KATNBL1: variants seen among roughly 807,000 people sequenced by gnomAD.
KATNBL1 encodes the protein KATNB1-like protein 1.
KATNBL1 carries 28 observed loss-of-function variants against 44.7 expected under a neutral mutation model. The observed-to-expected ratio is 0.63, with a 90% CI of 0.46 to 0.86. The LOEUF is 0.86. Ranked by LOEUF, KATNBL1 falls within the 40% of genes least tolerant of loss-of-function variation. The probability of loss-of-function intolerance (pLI) is 0.00; values close to 1 mark genes in which losing one functional copy is unlikely to be tolerated. For missense variants in KATNBL1, 272 were observed against 350.7 expected (o/e 0.78, Z 1.79); for synonymous variants, 78 against 114.9 (o/e 0.68, Z 2.06).
intron 1 of KATNBL1, among the ~76,000 whole-genome samples, chr15:34,167,505 C>A (rs574384712): frequency 5.9e-5 from 9 of 152,234 alleles, no homozygotes; most frequent in African/African-American, 2.2e-4. Flanking sequence ...AGAATGCAAC[C>A]AGTCAGAAAA....
At chr15:34,158,798 A>T (rs1405188634) in intron 2 of KATNBL1, among the ~76,000 whole-genome samples, 4 of 152,150 alleles carry the variant, frequency 2.6e-5, no homozygotes, top group African/African-American at 9.7e-5. Context: ...GGAGTTCCCC[A>T]TTGACTACTG....
intron 2 of KATNBL1, among the ~76,000 whole-genome samples, 171 bp downstream of exon 2, chr15:34,163,389 C>CTT (rs1034911870): frequency 6.6e-6 from 1 of 151,932 alleles, no homozygotes; most frequent in Non-Finnish European, 1.5e-5. Flanking sequence ...TGGTTAAGAC[C>CTT]TAACAAAGAA....
intron 1 of KATNBL1, among the ~76,000 whole-genome samples, chr15:34,164,127 C>A: frequency 6.6e-6 from 1 of 152,336 alleles, no homozygotes; most frequent in East Asian, 1.9e-4. Flanking sequence ...CTCCTGACCT[C>A]AGGTGATCCA....
intron 1 of KATNBL1, chr15:34,199,819 T>C (rs1411552976): frequency 6.6e-6 from 1 of 151,730 alleles, no homozygotes; most frequent in African/African-American, 2.4e-5. Context: ...CAGCAAGATT[T>C]ATTGTGAAGA....
intron 1 of KATNBL1, chr15:34,209,419 G>A (rs1890374223): frequency 6.6e-6 from 1 of 152,172 alleles, no homozygotes; most frequent in Non-Finnish European, 1.5e-5. Flanking sequence ...ATACTTTACA[G>A]AACAACTTTT....
At chr15:34,162,027 T>C (rs189212880) in intron 2 of KATNBL1, among the ~76,000 whole-genome samples, 28 of 152,370 alleles carry the variant, frequency 1.8e-4, no homozygotes, top group Non-Finnish European at 1.5e-5. Context: ...TTGTGATTGA[T>C]ATCAACAAAT....
rs1320900373 is a variant in KATNBL1 at position 34,154,726 on chromosome 15, T to C, written c.118-42A>G. On this transcript the variant is annotated intron_variant, in intron 2 of 9. Transcript: ENST00000256544. Reference sequence around the variant, plus strand: ...GATAGTTGATGTTAGAAACAAATGCTTGGTGCCGCAAAGAAGAATCAGCAC... The same window carrying C: ...GATAGTTGATGTTAGAAACAAATGCCTGGTGCCGCAAAGAAGAATCAGCAC... The C allele has an allele frequency of 3.8e-6, 5 of 1,315,992 alleles. No homozygotes were observed. In the African/African-American group the frequency reaches 4.4e-5, roughly 11 times the overall value. 81.5% of individuals were successfully genotyped at this position (1,315,992 alleles called of 1,614,324 possible). A position where few individuals can be genotyped will look rare whatever the true frequency, so the allele number is the denominator to read the frequency against.
At chr15:34,168,709 T>C (rs982431012) in intron 1 of KATNBL1, among the ~76,000 whole-genome samples, 1 of 152,092 alleles carries the variant, frequency 6.6e-6, no homozygotes, top group Non-Finnish European at 1.5e-5. Context: ...CCTCAGGAAA[T>C]GTAAAAGAAC....
At chr15:34,162,242 T>C (rs149515016) in intron 2 of KATNBL1, among the ~76,000 whole-genome samples, 217 of 152,290 alleles carry the variant, frequency 1.4e-3, no homozygotes, top group Middle Eastern at 3.4e-3. Context: ...CAGTGGGAGA[T>C]AATTGCATCA....
At chr15:34,156,383 T>A (rs1471092353) in intron 2 of KATNBL1, among the ~76,000 whole-genome samples, 1 of 152,206 alleles carries the variant, frequency 6.6e-6, no homozygotes, top group Non-Finnish European at 1.5e-5. Flanking sequence ...CCATGCCTGG[T>A]TGACTGGAGG....
intron 1 of KATNBL1, among the ~76,000 whole-genome samples, chr15:34,193,225 A>AC (rs1289277930): frequency 4.1e-4 from 55 of 135,788 alleles, no homozygotes; most frequent in African/African-American, 1.2e-3. Context: ...TCAAAAAAAA[A>AC]AAAAAAAAAA....
chr15:34,204,179 G>C (rs1205494773), intron 1 of KATNBL1, among the ~76,000 whole-genome samples: 1 of 152,104 alleles, frequency 6.6e-6, no homozygotes, highest in Non-Finnish European at 1.5e-5. Flanking sequence ...GACAGCTCAT[G>C]TGTAACATGA....
chr15:34,207,478 G>A (rs913637466), intron 1 of KATNBL1, among the ~76,000 whole-genome samples: 18 of 152,160 alleles, frequency 1.2e-4, no homozygotes, highest in African/African-American at 3.9e-4. Flanking sequence ...AAAGTGCTAG[G>A]ATTACAGGCA....
At position 34,167,472 on chromosome 15, in the gene KATNBL1, T is replaced by C. The variant is rs1021351484; in HGVS notation, c.-14-3782A>G. Reference sequence around the variant, plus strand: ...GTGAAAAGACCAAATCTATGTTTGATTGTGTACCTGAAAGTGACGGGGAGA... The same window carrying C: ...GTGAAAAGACCAAATCTATGTTTGACTGTGTACCTGAAAGTGACGGGGAGA... On this transcript the variant is annotated intron_variant, in intron 1 of 9. Coordinates refer to ENST00000256544, the MANE Select transcript of KATNBL1 (RefSeq NM_024713.3). Among the ~76,000 whole-genome samples the C allele has an allele frequency of 5.2e-5, 7 of 133,686 alleles. 1 individual carries two copies. The highest frequency in any genetic ancestry group is 4.8e-5 in the Non-Finnish European group (3 of 62,360). 87.7% of individuals were successfully genotyped at this position (133,686 alleles called of 152,430 possible).
intron 1 of KATNBL1, chr15:34,199,556 A>C (rs1037153963): frequency 1.3e-5 from 2 of 152,242 alleles, no homozygotes; most frequent in African/African-American, 4.8e-5. Flanking sequence ...GGCTCCTTCC[A>C]GTTAGTTCTT....
At position 34,188,136 on chromosome 15, in the gene KATNBL1, G is replaced by GCAAAAAAAAAAAAAAAAAA. The variant is rs1394136257; in HGVS notation, c.-15+21814_-15+21815insTTTTTTTTTTTTTTTTTTG. Among the ~76,000 whole-genome samples the GCAAAAAAAAAAAAAAAAAA allele has an allele frequency of 2.1e-3, 14 of 6,578 alleles. 1 individual carries two copies. Among genetic ancestry groups the GCAAAAAAAAAAAAAAAAAA allele is most frequent in the Non-Finnish European group, 4.9e-3 (11 of 2,266 alleles). The allele number at this position is 6,578 out of a possible 152,430, so 4.3% of individuals were successfully genotyped here. On this transcript the variant is annotated intron_variant, in intron 1 of 9. Transcript: ENST00000256544. Reference sequence around the variant, plus strand: ...CCTGGGTGACAGAGGAAGACGCCATGTAAAAAAAAAAAAAAAAAAAAAAAA... The same window carrying GCAAAAAAAAAAAAAAAAAA: ...CCTGGGTGACAGAGGAAGACGCCATGCAAAAAAAAAAAAAAAAAATAAAAAAAAAAAAAAAAAAAAAAAA...
In KATNBL1 at chr15:34,146,788, G is replaced by A. The variant is rs186125698; in HGVS notation, c.761C>T (p.Ser254Leu). 6.2e-7 allele frequency: 1 copy of A among 1,604,204 alleles called. No homozygotes were observed. Among genetic ancestry groups the A allele is most frequent in the Admixed American group, 1.7e-5 (1 of 60,000 alleles). The change falls in exon 8 of 10, where the codon TCA (serine) becomes TTA (leucine). Residue 254 changes from serine to leucine, a missense_variant. Physicochemically the swap from Ser to Leu is moderately radical, Grantham distance 145. Around this residue, in one of 3 missense-constraint regions of KATNBL1, gnomAD observed 39 missense variants for 76.3 expected, o/e 0.51. Coordinates refer to ENST00000256544, the MANE Select transcript of KATNBL1 (RefSeq NM_024713.3). ...ATCATTTATAATTTCTGTTTTGGATGATAGTTCTGACCACCACCTTTTAAT... is the reference window on the plus strand; with the variant it reads ...ATCATTTATAATTTCTGTTTTGGATAATAGTTCTGACCACCACCTTTTAAT... ...AVIKRWWSEL[S>L]SKTEIINDGN...
At chr15:34,202,595 CTT>C (rs2141004771) in intron 1 of KATNBL1, among the ~76,000 whole-genome samples, 1 of 152,326 alleles carries the variant, frequency 6.6e-6, no homozygotes, top group Non-Finnish European at 1.5e-5. Flanking sequence ...TCAGGGAACA[CTT>C]TCTTCTCCAA....
At chr15:34,152,726 G>GA in intron 4 of KATNBL1, 64 bp downstream of exon 4, 26 of 1,369,628 alleles carry the variant, frequency 1.9e-5, no homozygotes, top group Non-Finnish European at 2.5e-5. Flanking sequence ...ATATGGCAAA[G>GA]AAAAAAATCA....
Sources: allele counts gnomAD v4.1 joint callset (sites outside exome capture counted in the v4.1 genomes callset), GRCh38; gene constraint gnomAD v4.1.1; regional missense constraint gnomAD v4.1.1; transcripts MANE v1.5; gene names NCBI Gene and HGNC (gene_info 2026-07-23, HGNC 2026-07-21).